ABCA4: variants seen among roughly 807,000 people sequenced by gnomAD.
The protein encoded by ABCA4 is ATP binding cassette subfamily A member 4.
In ABCA4, 196 loss-of-function variants were observed where a neutral mutation model predicts 263.7. The observed-to-expected ratio is 0.74, with a 90% CI of 0.66 to 0.84. The LOEUF is 0.84. Ranked by LOEUF, ABCA4 falls within the 40% of genes least tolerant of loss-of-function variation. ABCA4 has a pLI of 0.00. For synonymous variants in ABCA4, 1,133 were observed against 1,094.2 expected, an observed-to-expected ratio of 1.04 and a Z score of -0.70; for missense variants, 2,792 against 2,855.1, an observed-to-expected ratio of 0.98 and a Z score of 0.50.
intron 10 of ABCA4, 146 bp from the exon 11 acceptor site, chr1:94,078,033 A>T (rs1263028788): frequency 1.3e-6 from 1 of 743,294 alleles, no homozygotes; most frequent in Non-Finnish European, 2.2e-6. Flanking sequence ...TCCACTATGA[A>T]ACATACCTAT....
At chr1:94,001,241 A>G in intron 45 of ABCA4, 136 bp from the exon 46 acceptor site, 1 of 699,528 alleles carries the variant, frequency 1.4e-6, no homozygotes, top group Non-Finnish European at 2.5e-6. Flanking sequence ...CTTGAGCAAG[A>G]CAGGGGTACC....
chr1:94,032,328 T>C (rs574616100), intron 26 of ABCA4, among the ~76,000 whole-genome samples: 79 of 152,260 alleles, frequency 5.2e-4, no homozygotes, highest in Middle Eastern at 3.4e-3. Flanking sequence ...TTAAAATACG[T>C]AACTTGGTTA....
At chr1:94,032,678 G>A (rs1159320770) in intron 26 of ABCA4, among the ~76,000 whole-genome samples, 1 of 152,042 alleles carries the variant, frequency 6.6e-6, no homozygotes, top group Non-Finnish European at 1.5e-5. Flanking sequence ...AAAAACTAAG[G>A]TGCTGGTCAA....
intron 45 of ABCA4, 113 bp downstream of exon 45, chr1:94,001,745 A>T (rs1416234184): frequency 6.7e-7 from 1 of 1,500,140 alleles, no homozygotes; most frequent in African/African-American, 1.4e-5. Flanking sequence ...AACAGTCCAG[A>T]CTAAAGCCAA....
At chr1:94,047,545 C>T (rs12123388) in intron 18 of ABCA4, among the ~76,000 whole-genome samples, 27,094 of 152,170 alleles carry the variant, frequency 0.18, 2,529 homozygotes, top group East Asian at 0.24. Flanking sequence ...GCCCTCATTG[C>T]CAACAGTCCA....
At chr1:94,092,362 G>A (rs1432323111) in intron 6 of ABCA4, among the ~76,000 whole-genome samples, 1 of 152,238 alleles carries the variant, frequency 6.6e-6, no homozygotes, top group African/African-American at 2.4e-5. Context: ...ATTTATCCGG[G>A]AGGGAAGTTG....
intron 7 of ABCA4, among the ~76,000 whole-genome samples, chr1:94,081,051 C>T (rs1407649313): frequency 2.0e-5 from 3 of 152,078 alleles, no homozygotes; most frequent in East Asian, 1.9e-4. Flanking sequence ...GGTGAAACCC[C>T]GTCTCTATTA....
At chr1:94,002,133 T>C in intron 44 of ABCA4, 141 bp from the exon 45 acceptor site, 1 of 1,322,940 alleles carries the variant, frequency 7.6e-7, no homozygotes, top group Non-Finnish European at 1.1e-6. Context: ...TGCTGGCTCC[T>C]GTCCTCTGGC....
chr1:94,011,385 T>C lies in ABCA4; in HGVS notation c.5461A>G (p.Thr1821Ala), dbSNP rs2101008570. ...AGCACGGCGTTGAACCTGAGCAGCG[T>C]CTGAAACAGAGAAGTAGGACTGTTG... ...FILELFENNR[T>A]LLRFNAVLRK... is the part of the protein sequence containing the mutation. Residue 1821 changes from threonine (T) to alanine (A), a missense_variant and splice_region_variant, in exon 39 of 50, where the codon ACG becomes GCG. Coordinates refer to ENST00000370225, the MANE Select transcript of ABCA4 (RefSeq NM_000350.3). 1.2e-6 allele frequency: 2 copies of C among 1,613,824 alleles called. No homozygotes were observed.
At chr1:94,100,490 C>A (rs1662256852) in intron 5 of ABCA4, among the ~76,000 whole-genome samples, 1 of 152,190 alleles carries the variant, frequency 6.6e-6, no homozygotes, top group South Asian at 2.1e-4. Context: ...GAACCCAGAG[C>A]TTAACCATCA....
chr1:94,079,205 C>CA, intron 9 of ABCA4, 117 bp downstream of exon 9: 1 of 1,489,386 alleles, frequency 6.7e-7, no homozygotes, highest in Non-Finnish European at 9.3e-7. Flanking sequence ...GTCCACTTAG[C>CA]AAAAAACAAA....
chr1:94,050,624 A>G (rs1038693122), intron 17 of ABCA4, among the ~76,000 whole-genome samples: 4 of 152,194 alleles, frequency 2.6e-5, no homozygotes, highest in African/African-American at 9.6e-5. Context: ...TAAAATGCCC[A>G]CAAGCCCTGT....
chr1:93,997,887 A>C lies in ABCA4; in HGVS notation c.6703T>G (p.Ser2235Ala), dbSNP rs1000816748. Residue 2235 changes from serine (S) to alanine (A), a missense_variant, in exon 48 of 50, where the codon TCA becomes GCA. Transcript: ENST00000370225. Reference sequence around the variant, plus strand: ...TGGTCCAGTGTGGTCTGTGTGACTGAGTACTCCTCGATGAGCAGGCTGTCC... The same window carrying C: ...TGGTCCAGTGTGGTCTGTGTGACTGCGTACTCCTCGATGAGCAGGCTGTCC... The part of the protein sequence containing the change: ...HKDSLLIEEY[S>A]VTQTTLDQVF... 1 of 1,613,974 alleles carries C rather than the reference A, an allele frequency of 6.2e-7. No homozygotes were observed. The highest frequency in any genetic ancestry group is 1.3e-5 in the African/African-American group (1 of 74,904).
In ABCA4 at chr1:94,098,904, G is replaced by A. The variant is rs61748538; in HGVS notation, c.658C>T (p.Arg220Cys). The A allele has an allele frequency of 8.7e-6, 14 of 1,613,824 alleles. No individual in the cohort carries two copies. The highest frequency in any genetic ancestry group is 2.7e-5 in the African/African-American group (2 of 74,940). Residue 220 changes from arginine to cysteine, a missense_variant, in exon 6 of 50, where the codon CGC becomes TGC. Physicochemically the swap from Arg to Cys is radical, Grantham distance 180. Coordinates refer to ENST00000370225, the MANE Select transcript of ABCA4 (RefSeq NM_000350.3). ...LERFIIFSQR[R>C]GAKTVRYALC... ...GCATAGCGCACCGTCTTTGCCCCGCGTCTCTGGCTGAAGATGATGAAGCGC... is the reference window on the plus strand; with the variant it reads ...GCATAGCGCACCGTCTTTGCCCCGCATCTCTGGCTGAAGATGATGAAGCGC...
At chr1:94,030,040 T>A (rs1030738834) in intron 29 of ABCA4, among the ~76,000 whole-genome samples, 7 of 152,168 alleles carry the variant, frequency 4.6e-5, no homozygotes, top group Admixed American at 2.6e-4. Context: ...AACTCCCTTC[T>A]CCAGACTCAC....
intron 30 of ABCA4, among the ~76,000 whole-genome samples, chr1:94,027,087 T>C (rs1233604831): frequency 2.0e-5 from 3 of 151,408 alleles, no homozygotes; most frequent in Non-Finnish European, 4.4e-5. Flanking sequence ...AAAGAGTGAG[T>C]GAGAGAGACA....
In ABCA4 at chr1:94,021,391, C is replaced by T. The variant is rs61750157; in HGVS notation, c.4867G>A (p.Gly1623Ser). 6.2e-7 allele frequency: 1 copy of T among 1,614,208 alleles called. No individual in the cohort carries two copies. The highest frequency in any genetic ancestry group is 8.5e-7 in the Non-Finnish European group (1 of 1,180,040). The stretch of plus-strand genomic sequence containing the variant: ...AGAAAGCTGACCAGGGCATGCCAGC[C>T]TTTGTTATTAAACCACACCTAGAGG... Reference protein sequence around the residue: ...DNIKVWFNNKGWHALVSFLNV... With the variant: ...DNIKVWFNNKSWHALVSFLNV... Residue 1623 changes from glycine (G) to serine (S), a missense_variant, in exon 35 of 50, where the codon GGC becomes AGC. Gly to Ser is a moderately conservative substitution (Grantham distance 56, BLOSUM62 0). Transcript: ENST00000370225.
intron 43 of ABCA4, among the ~76,000 whole-genome samples, chr1:94,006,098 G>A (rs2101001322): frequency 6.6e-6 from 1 of 152,210 alleles, no homozygotes; most frequent in South Asian, 2.1e-4. Flanking sequence ...AACTCCCTTT[G>A]GCTAATATAT....
intron 6 of ABCA4, 122 bp from the exon 7 acceptor site, chr1:94,083,563 G>T: frequency 1.4e-6 from 1 of 701,456 alleles, no homozygotes; most frequent in Non-Finnish European, 2.4e-6. Context: ...CTGATCGCAG[G>T]ATCTTTTCTG....
Sources: gnomAD v4.1 joint callset for allele counts (sites outside exome capture counted in the v4.1 genomes callset) on GRCh38, gnomAD v4.1.1 for gene constraint, MANE v1.5 for transcripts, NCBI Gene and HGNC (gene_info 2026-07-23, HGNC 2026-07-21) for gene names.